SLC7A11: variants seen among roughly 807,000 people sequenced by gnomAD.
SLC7A11 encodes the protein solute carrier family 7 member 11.
In SLC7A11, 35 loss-of-function variants were observed where a neutral mutation model predicts 54.5. The observed-to-expected ratio is 0.64, with a 90% confidence interval of 0.49 to 0.85. SLC7A11 has a LOEUF of 0.85. Among genes scored for constraint, SLC7A11 ranks in the 40% least tolerant of loss-of-function variants. The pLI, the probability that SLC7A11 is intolerant of heterozygous loss-of-function variation, is 0.00. For synonymous variants in SLC7A11, 230 were observed against 225.2 expected, an observed-to-expected ratio of 1.02 and a Z score of -0.19; for missense variants, 583 against 618.1, an observed-to-expected ratio of 0.94 and a Z score of 0.60.
chr4:138,237,693 T>G (rs1457896437), intron 1 of SLC7A11, among the ~76,000 whole-genome samples: 2 of 80,384 alleles, frequency 2.5e-5, no homozygotes, highest in African/African-American at 4.8e-5. Context: ...CCACTGCGCC[T>G]AGCCAGAATA....
At chr4:138,183,429 TTC>T (rs1386707922) in intron 7 of SLC7A11, 124 bp from the exon 8 acceptor site, 8 of 672,800 alleles carry the variant, frequency 1.2e-5, no homozygotes, top group Non-Finnish European at 2.1e-5. Context: ...GTTTTATAAT[TTC>T]TCTCTTTGGT....
At position 138,166,809 on chromosome 4, in the gene SLC7A11, C is replaced by T. The variant is rs1450985822; in HGVS notation, c.*5147G>A. On this transcript the variant is annotated 3_prime_UTR_variant, in exon 12 of 12. Coordinates refer to ENST00000280612, the MANE Select transcript of SLC7A11 (RefSeq NM_014331.4). Reference sequence around the variant, plus strand: ...TAACAGAGAGGAGGGAAAAAAATAACTACCAAGAAAATAAAACTAATGGGT... The same window carrying T: ...TAACAGAGAGGAGGGAAAAAAATAATTACCAAGAAAATAAAACTAATGGGT... 2 of 152,074 alleles carry T rather than the reference C, an allele frequency of 1.3e-5. No individual in the cohort carries two copies. Among genetic ancestry groups the T allele is most frequent in the Non-Finnish European group, 2.9e-5 (2 of 68,000 alleles). The allele number at this position is 152,074 out of a possible 1,614,324, so 9.4% of individuals were successfully genotyped here.
At chr4:138,195,614 C>A (rs1737113237) in intron 6 of SLC7A11, among the ~76,000 whole-genome samples, 1 of 152,122 alleles carries the variant, frequency 6.6e-6, no homozygotes, top group Non-Finnish European at 1.5e-5. Context: ...CTCAGGGAAA[C>A]CTTACCTCCT....
chr4:138,239,851 A>G (rs759482154), intron 1 of SLC7A11, among the ~76,000 whole-genome samples: 15 of 152,252 alleles, frequency 9.9e-5, no homozygotes, highest in Non-Finnish European at 1.6e-4. Flanking sequence ...AGCTGCATGC[A>G]CATAAGTACG....
chr4:138,188,717 G>A (rs1033228274), intron 6 of SLC7A11, among the ~76,000 whole-genome samples: 4 of 152,172 alleles, frequency 2.6e-5, no homozygotes, highest in Non-Finnish European at 5.9e-5. Flanking sequence ...TGATAATGAA[G>A]GGAATTAGAG....
chr4:138,198,704 G>A (rs1012632433), intron 6 of SLC7A11, among the ~76,000 whole-genome samples: 1 of 151,980 alleles, frequency 6.6e-6, no homozygotes, highest in Non-Finnish European at 1.5e-5. Flanking sequence ...GAGAATAATT[G>A]GATATGTAAG....
Position 138,164,475 on chromosome 4 carries a change from T to A in SLC7A11, c.*7481A>T, listed in dbSNP as rs1312989985. ...TTTTATTTCACATATCACATGCTTG[T>A]GCAGGCATCAGTGCTAGGAACCCTA... On this transcript the variant is annotated 3_prime_UTR_variant, in exon 12 of 12. Coordinates refer to ENST00000280612, the MANE Select transcript of SLC7A11 (RefSeq NM_014331.4). 1 of 152,162 alleles carries A rather than the reference T, an allele frequency of 6.6e-6. No individual in the cohort carries two copies. The highest frequency in any genetic ancestry group is 1.9e-4 in the East Asian group (1 of 5,200). 9.4% of individuals were successfully genotyped at this position (152,162 alleles called of 1,614,324 possible). A position where few individuals can be genotyped will look rare whatever the true frequency, so the allele number is the denominator to read the frequency against.
intron 6 of SLC7A11, among the ~76,000 whole-genome samples, chr4:138,207,456 G>A (rs1737436230): frequency 6.6e-6 from 1 of 152,090 alleles, no homozygotes; most frequent in African/African-American, 2.4e-5. Flanking sequence ...TGTAATCCCA[G>A]CACTTTGGGA....
In SLC7A11 at chr4:138,242,082, CG is replaced by C. The variant is rs754676343; in HGVS notation, c.-14del. 38 of 1,611,930 alleles carry C rather than the reference CG, an allele frequency of 2.4e-5. No homozygotes were observed. The highest frequency in any genetic ancestry group is 2.9e-5 in the Non-Finnish European group (34 of 1,178,924). ...GCTTTCTGACCATAGTAGGGACACA[CG>C]GGGGAAAAATAAAACAGAGGGAAAG... On this transcript the variant is annotated 5_prime_UTR_variant, in exon 1 of 12. Coordinates refer to ENST00000280612, the MANE Select transcript of SLC7A11 (RefSeq NM_014331.4).
intron 6 of SLC7A11, among the ~76,000 whole-genome samples, chr4:138,204,730 GA>G (rs57153240): frequency 0.24 from 35,940 of 146,822 alleles, 4,863 homozygotes; most frequent in East Asian, 0.55. Flanking sequence ...TGGTTAAGAA[GA>G]AAAAAAAAAA....
At chr4:138,224,836 A>G (rs1464944154) in intron 3 of SLC7A11, among the ~76,000 whole-genome samples, 1 of 151,162 alleles carries the variant, frequency 6.6e-6, no homozygotes. Context: ...GGAAGGAAGG[A>G]AGGAAGGAAG....
In SLC7A11 at chr4:138,167,068, A is replaced by C. The variant is rs1035621583; in HGVS notation, c.*4888T>G. On this transcript the variant is annotated 3_prime_UTR_variant, in exon 12 of 12. Transcript: ENST00000280612. ...TATCTCCCAAAATTGACTATTAAAA[A>C]ATAATTTTTAAGTACAGTACTAATA... 6.6e-6 allele frequency: 1 copy of C among 152,088 alleles called. No individual in the cohort carries two copies. Among genetic ancestry groups the C allele is most frequent in the African/African-American group, 2.4e-5 (1 of 41,442 alleles). The allele number at this position is 152,088 out of a possible 1,614,324, so 9.4% of individuals were successfully genotyped here.
chr4:138,241,101 G>A (rs138952502), intron 1 of SLC7A11, among the ~76,000 whole-genome samples: 4 of 152,130 alleles, frequency 2.6e-5, no homozygotes, highest in African/African-American at 7.2e-5. Flanking sequence ...GAAAACTAAC[G>A]CCCAACTGAA....
Position 138,166,768 on chromosome 4 carries a change from AT to A in SLC7A11, c.*5187del, listed in dbSNP as rs1736271036. 6.6e-6 allele frequency: 1 copy of A among 152,282 alleles called. No individual in the cohort carries two copies. Among genetic ancestry groups the A allele is most frequent in the South Asian group, 2.1e-4 (1 of 4,822 alleles). 9.4% of individuals were successfully genotyped at this position (152,282 alleles called of 1,614,324 possible). A position where few individuals can be genotyped will look rare whatever the true frequency, so the allele number is the denominator to read the frequency against. ...AGGACACTGTAACCGTCCTCTGTGT[AT>A]TTTAAGGCCAATAGTAACAGAGAGG... On this transcript the variant is annotated 3_prime_UTR_variant, in exon 12 of 12. Coordinates refer to ENST00000280612, the MANE Select transcript of SLC7A11 (RefSeq NM_014331.4).
At chr4:138,211,201 A>G (rs1298439975) in intron 6 of SLC7A11, among the ~76,000 whole-genome samples, 1 of 151,828 alleles carries the variant, frequency 6.6e-6, no homozygotes, top group African/African-American at 2.4e-5. Context: ...GGTACTCATG[A>G]ACACATAGAC....
At chr4:138,174,600 C>G (rs1286252027) in intron 11 of SLC7A11, 1 of 152,142 alleles carries the variant, frequency 6.6e-6, no homozygotes, top group African/African-American at 2.4e-5. Context: ...CAGCAGTGCT[C>G]AAGAGAGGCA....
At chr4:138,182,455 C>A in intron 8 of SLC7A11, 62 bp from the exon 9 acceptor site, 1 of 1,009,458 alleles carries the variant, frequency 9.9e-7, no homozygotes, top group South Asian at 1.3e-5. Context: ...AGGGAAAATC[C>A]AAAAATCCCA....
rs1396957794 is a variant in SLC7A11, at chr4:138,171,920, C to T, written c.*36G>A. 1 of 1,570,492 alleles carries T rather than the reference C, an allele frequency of 6.4e-7. No individual in the cohort carries two copies. The highest frequency in any genetic ancestry group is 8.6e-7 in the Non-Finnish European group (1 of 1,165,712). ...GTAAAAATCCCTATTTTGTGTCTCC[C>T]CTTGGGCAGATTGCCAAGATCTCAA... On this transcript the variant is annotated 3_prime_UTR_variant, in exon 12 of 12. Coordinates refer to ENST00000280612, the MANE Select transcript of SLC7A11 (RefSeq NM_014331.4).
At chr4:138,201,247 A>G (rs1351268513) in intron 6 of SLC7A11, among the ~76,000 whole-genome samples, 1 of 152,110 alleles carries the variant, frequency 6.6e-6, no homozygotes, top group Non-Finnish European at 1.5e-5. Context: ...TTCATATAGT[A>G]TTGTACAGCT....
Sources: allele counts gnomAD v4.1 joint callset (sites outside exome capture counted in the v4.1 genomes callset), GRCh38; gene constraint gnomAD v4.1.1; transcripts MANE v1.5; gene names NCBI Gene and HGNC (gene_info 2026-07-23, HGNC 2026-07-21).